GOT1L1: variants seen among roughly 807,000 people sequenced by gnomAD.
GOT1L1 encodes aspartate aminotransferase, cytoplasmic 2.
In GOT1L1, 38 loss-of-function variants were observed where a neutral mutation model predicts 43.6. That is an observed-to-expected ratio of 0.87 (90% CI 0.67 to 1.14). The LOEUF (loss-of-function observed/expected upper bound fraction) is 1.14. Among genes scored for constraint, GOT1L1 ranks in the 50% most tolerant of loss-of-function variants. The probability of loss-of-function intolerance (pLI) is 0.00; values close to 1 mark genes in which losing one functional copy is unlikely to be tolerated. For missense variants in GOT1L1, 482 were observed against 504.0 expected (o/e 0.96, Z 0.42); for synonymous variants, 183 against 187.2 (o/e 0.98, Z 0.18).
intron 1 of GOT1L1, among the ~76,000 whole-genome samples, chr8:37,939,674 T>C (rs1807874129): frequency 6.6e-6 from 1 of 150,588 alleles, no homozygotes; most frequent in Non-Finnish European, 1.5e-5. Context: ...AAGCATAGAG[T>C]TGTGGAAGAG....
chr8:37,935,043 A>G, intron 8 of GOT1L1, 30 bp downstream of exon 8: 2 of 1,612,166 alleles, frequency 1.2e-6, no homozygotes, highest in Admixed American at 1.7e-5. Flanking sequence ...AAGGTCAGAA[A>G]GGGGGGACAC....
chr8:37,937,899 G>A (rs1254969183), intron 2 of GOT1L1, 150 bp from the exon 3 acceptor site: 5 of 602,086 alleles, frequency 8.3e-6, no homozygotes, highest in South Asian at 3.8e-5. Flanking sequence ...AAATTAGCCG[G>A]ATGTGGTGTT....
chr8:37,938,617 G>C, intron 2 of GOT1L1, 83 bp downstream of exon 2: 3 of 1,295,004 alleles, frequency 2.3e-6, no homozygotes, highest in Non-Finnish European at 3.1e-6. Context: ...GCCCTCCGAG[G>C]TCCCCTTCGG....
chr8:37,939,000 T>C (rs1331709595), intron 1 of GOT1L1, 119 bp from the exon 2 acceptor site: 2 of 811,616 alleles, frequency 2.5e-6, no homozygotes, highest in Middle Eastern at 2.3e-4. Context: ...GGAAGGTGCC[T>C]GTGAAAATAC....
In GOT1L1 at chr8:37,935,185, G is replaced by A. The variant is rs371850053; in HGVS notation, c.960C>T (p.Asn320=). 4.4e-5 allele frequency: 71 copies of A among 1,606,152 alleles called. No homozygotes were observed. Among genetic ancestry groups the A allele is most frequent in the Non-Finnish European group, 5.7e-5 (67 of 1,176,172 alleles). The change falls in exon 8 of 9, where the codon AAC becomes AAT. Residue 320 remains asparagine (N), a synonymous_variant. Coordinates refer to ENST00000307599, the MANE Select transcript of GOT1L1 (RefSeq NM_152413.3). ...TCACTTTTTCCTTGGTTAGCATGAT[G>A]TTCTCTACAACTTCTTTTAGACTCT... ...WKQSLKEVVE[N]IMLTKEKVKE... is the part of the protein sequence containing the mutation.
intron 7 of GOT1L1, 45 bp downstream of exon 7, chr8:37,935,659 C>T (rs1167538104): frequency 2.0e-6 from 3 of 1,496,136 alleles, no homozygotes; most frequent in Non-Finnish European, 2.7e-6. Context: ...TCTGCAGGCA[C>T]CCAGGGCCTC....
At position 37,936,782 on chromosome 8, in the gene GOT1L1, A is replaced by G. The variant is rs1286653399; in HGVS notation, c.701T>C (p.Phe234Ser). 2 of 1,613,078 alleles carry G rather than the reference A, an allele frequency of 1.2e-6. No individual in the cohort carries two copies. The highest frequency in any genetic ancestry group is 3.3e-5 in the Admixed American group (2 of 59,998). Residue 234 changes from phenylalanine to serine, a missense_variant, in exon 6 of 9, where the codon TTT (phenylalanine) becomes TCT (serine). Physicochemically the swap from Phe to Ser is radical, Grantham distance 155 (BLOSUM62 -2). Transcript: ENST00000307599. ...GAAGAACTCAAAGCCTTGAGACACAAAGTATTGTAAGATTCTAGTATCTTC... is the reference window on the plus strand; with the variant it reads ...GAAGAACTCAAAGCCTTGAGACACAGAGTATTGTAAGATTCTAGTATCTTC... ...LEEDTRILQY[F>S]VSQGFEFFCS...
chr8:37,939,129 AC>A (rs1321474223), intron 1 of GOT1L1: 4 of 390,292 alleles, frequency 1.0e-5, no homozygotes, highest in Non-Finnish European at 2.0e-5. Flanking sequence ...TAAAAATTAT[AC>A]AAGCCCAGGA....
At chr8:37,938,955 G>A in intron 1 of GOT1L1, 74 bp from the exon 2 acceptor site, 2 of 1,382,124 alleles carry the variant, frequency 1.4e-6, no homozygotes, top group Non-Finnish European at 2.0e-6. Context: ...CAGACAGCCT[G>A]CAAACAAATC....
intron 1 of GOT1L1, among the ~76,000 whole-genome samples, chr8:37,939,173 G>A (rs978525383): frequency 2.6e-5 from 4 of 151,838 alleles, no homozygotes; most frequent in Admixed American, 2.0e-4. Flanking sequence ...CCAGCACTTC[G>A]GGAGGCTAAG....
At chr8:37,939,141 T>G (rs1330516267) in intron 1 of GOT1L1, 2 of 382,012 alleles carry the variant, frequency 5.2e-6, no homozygotes, top group Non-Finnish European at 1.0e-5. Context: ...AAGCCCAGGA[T>G]TGGTGGCTCA....
At position 37,938,894 on chromosome 8, in the gene GOT1L1, CCA is replaced by C. The variant is rs756584038; in HGVS notation, c.116-15_116-14del. 15 of 1,612,760 alleles carry C rather than the reference CCA, an allele frequency of 9.3e-6. No individual in the cohort carries two copies. Among genetic ancestry groups the C allele is most frequent in the Admixed American group, 1.7e-5 (1 of 59,864 alleles). ...TTTGTCATGCAGACTGTGAGGAAAA[CCA>C]CAGAGGGAGCTCCAGATGCCTGGTT... On this transcript the variant is annotated splice_polypyrimidine_tract_variant and intron_variant, in intron 1 of 8. Transcript: ENST00000307599.
In GOT1L1 at chr8:37,934,417, C is replaced by G. The variant is rs1455842170; in HGVS notation, c.1142G>C (p.Ser381Thr). Residue 381 changes from serine to threonine, a missense_variant, in exon 9 of 9, where the codon AGC becomes ACC. Coordinates refer to ENST00000307599, the MANE Select transcript of GOT1L1 (RefSeq NM_152413.3). ...YIPKNGQINF[S>T]CINANNINYI... The stretch of plus-strand genomic sequence containing the variant: ...ATTTATGTTGTTGGCATTGATACAG[C>G]TGAAGTTAATCTGACCGTTCTTGGG... 2 of 1,613,728 alleles carry G rather than the reference C, an allele frequency of 1.2e-6. No individual in the cohort carries two copies. Among genetic ancestry groups the G allele is most frequent in the African/African-American group, 2.7e-5 (2 of 74,912 alleles).
At position 37,940,117 on chromosome 8, in the gene GOT1L1, G is replaced by T; in HGVS notation, c.-88C>A. On this transcript the variant is annotated 5_prime_UTR_variant, in exon 1 of 9. Transcript: ENST00000307599. ...AAGTCTTCCTCCAAGGCTGGGCCGG[G>T]CAGTCCTGCCTCTTCCTGGAACCTT... 2 of 1,479,602 alleles carry T rather than the reference G, an allele frequency of 1.4e-6. No individual in the cohort carries two copies. The highest frequency in any genetic ancestry group is 1.8e-6 in the Non-Finnish European group (2 of 1,105,476). The allele number at this position is 1,479,602 out of a possible 1,614,324, so 91.7% of individuals were successfully genotyped here.
intron 4 of GOT1L1, 64 bp downstream of exon 4, chr8:37,937,213 G>A (rs1393622541): frequency 8.0e-7 from 1 of 1,248,162 alleles, no homozygotes. Context: ...GAGGTGTGGG[G>A]AGGAGAGGAA....
At position 37,935,708 on chromosome 8, in the gene GOT1L1, C is replaced by A; in HGVS notation, c.925G>T (p.Glu309Ter). The A allele has an allele frequency of 6.3e-7, 1 of 1,579,160 alleles. No individual in the cohort carries two copies. The highest frequency in any genetic ancestry group is 1.2e-5 in the South Asian group (1 of 86,284). Residue 309 changes from glutamate to a stop codon, truncating the protein, a stop_gained, in exon 7 of 9, where the codon GAA becomes TAA. Transcript: ENST00000307599. LOFTEE classifies it high-confidence loss of function. ...TGCTCCAGCCCTCACCCTTACCATT[C>A]TCCCAGCAGAGCAGGGTTGCAGAGG... ...SILCNPALLG[E>*]WKQSLKEVVE...
At chr8:37,937,436 G>A (rs766431391) in intron 3 of GOT1L1, 50 bp from the exon 4 acceptor site, 34 of 1,268,934 alleles carry the variant, frequency 2.7e-5, no homozygotes, top group African/African-American at 4.4e-5. Context: ...ACAGAGAGAC[G>A]GAGACAGAGG....
At chr8:37,938,969 C>T (rs1421639317) in intron 1 of GOT1L1, 88 bp from the exon 2 acceptor site, 2 of 1,189,364 alleles carry the variant, frequency 1.7e-6, no homozygotes, top group Non-Finnish European at 2.5e-6. Flanking sequence ...ACAAATCTCT[C>T]CTGGACTCCA....
chr8:37,938,633 A>G, intron 2 of GOT1L1, 67 bp downstream of exon 2: 1 of 1,430,938 alleles, frequency 7.0e-7, no homozygotes, highest in Non-Finnish European at 9.4e-7. Flanking sequence ...TTCGGGTTTA[A>G]GGTTGTGCAG....
Sources: gnomAD v4.1 joint callset for allele counts (sites outside exome capture counted in the v4.1 genomes callset) on GRCh38, gnomAD v4.1.1 for gene constraint, MANE v1.5 for transcripts, NCBI Gene and HGNC (gene_info 2026-07-23, HGNC 2026-07-21) for gene names.